Variants in AGAP1 observed in about 807,000 individuals in gnomAD.
AGAP1 encodes ArfGAP with GTPase domain, ankyrin repeat and PH domain 1.
In AGAP1, 29 loss-of-function variants were observed where a neutral mutation model predicts 105.3. The observed-to-expected ratio is 0.28, with a 90% CI of 0.21 to 0.38. The LOEUF (loss-of-function observed/expected upper bound fraction) is 0.38. Among genes scored for constraint, AGAP1 ranks in the 10% least tolerant of loss-of-function variants. The pLI is 1.00. For synonymous variants in AGAP1, 509 were observed against 485.9 expected, an observed-to-expected ratio of 1.05 and a Z score of -0.63; for missense variants, 998 against 1,165.1, an observed-to-expected ratio of 0.86 and a Z score of 2.09.
chr2:235,984,015 T>C (rs527779082), intron 13 of AGAP1, among the ~76,000 whole-genome samples: 8 of 152,330 alleles, frequency 5.3e-5, no homozygotes, highest in African/African-American at 1.9e-4. Context: ...CCAAAACATT[T>C]TCTTCACTCC....
In AGAP1 at chr2:235,874,084, G is replaced by T. The variant is rs143368890; in HGVS notation, c.1051-9261G>T. ...TGTTTTTGTTTTTGTTTTGAGACAG[G>T]GTCTTGCTCTGTCGCCAGGCTGGAG... On this transcript the variant is annotated intron_variant, in intron 9 of 17. Transcript: ENST00000304032. This position sits in a 1 kb window ranked among gnomAD's most constrained non-coding sequence, Gnocchi z 4.5. 3.3e-5 allele frequency among the ~76,000 whole-genome samples: 5 copies of T among 151,550 alleles called. No individual in the cohort carries two copies. The highest frequency in any genetic ancestry group is 1.2e-4 in the African/African-American group (5 of 41,210).
rs775412276 is a variant in AGAP1, at chr2:235,904,863, C to T, written c.1156-3875C>T. ...CTTTATCTCCCACCTGTGTGTGAAG[C>T]GCTGAGTCGGAGGGCTTTTATTGAG... On this transcript the variant is annotated intron_variant, in intron 10 of 17. Coordinates refer to ENST00000304032, the MANE Select transcript of AGAP1 (RefSeq NM_001037131.3). The surrounding 1 kb of genome is among the most constrained non-coding windows in gnomAD (Gnocchi z 4.2). 5.3e-5 allele frequency among the ~76,000 whole-genome samples: 8 copies of T among 152,162 alleles called. No individual in the cohort carries two copies. Among genetic ancestry groups the T allele is most frequent in the African/African-American group, 9.7e-5 (4 of 41,434 alleles).
At chr2:235,815,339 T>A (rs1413553481) in intron 9 of AGAP1, among the ~76,000 whole-genome samples, 1 of 152,246 alleles carries the variant, frequency 6.6e-6, no homozygotes. Context: ...GCCTTCTTGC[T>A]GTGTCCTCCC....
intron 9 of AGAP1, among the ~76,000 whole-genome samples, chr2:235,817,106 G>A (rs765651849): frequency 1.3e-5 from 2 of 152,154 alleles, no homozygotes; most frequent in Non-Finnish European, 2.9e-5. Flanking sequence ...TCCTGGCAGA[G>A]AGAAATCACT....
chr2:235,536,639 A>T (rs1000648153), intron 1 of AGAP1, among the ~76,000 whole-genome samples: 2 of 97,660 alleles, frequency 2.0e-5, no homozygotes, highest in Non-Finnish European at 4.5e-5. Context: ...ACACACACAC[A>T]CACACACACA....
rs1406086424 is a variant in AGAP1 at position 235,517,739 on chromosome 2, C to G, written c.163+22890C>G. On this transcript the variant is annotated intron_variant, in intron 1 of 17. Transcript: ENST00000304032. The surrounding 1 kb of genome is among the most constrained non-coding windows in gnomAD (Gnocchi z 4.1). The stretch of plus-strand genomic sequence containing the variant: ...ATCACTTGAGGTCAGGAGTTCGAGA[C>G]CAGCCTGGCCAACATGGTGAAACCC... 6.6e-6 allele frequency among the ~76,000 whole-genome samples: 1 copy of G among 152,034 alleles called. No homozygotes were observed. The highest frequency in any genetic ancestry group is 1.9e-4 in the East Asian group (1 of 5,178).
Position 235,961,736 on chromosome 2 carries a change from GTCTCTAC to G in AGAP1, c.1484-6724_1484-6718del, listed in dbSNP as rs2054195667. Among the ~76,000 whole-genome samples, 1 of 152,172 alleles carries G rather than the reference GTCTCTAC, an allele frequency of 6.6e-6. No homozygotes were observed. The highest frequency in any genetic ancestry group is 2.4e-5 in the African/African-American group (1 of 41,438). On this transcript the variant is annotated intron_variant, in intron 12 of 17. Transcript: ENST00000304032. This position sits in a 1 kb window ranked among gnomAD's most constrained non-coding sequence, Gnocchi z 5.9. ...CATCCTGGCCAACATGTTGAAACCC[GTCTCTAC>G]TAAAAATACGAAAATTAGCTGGGCG... is the stretch of plus-strand genomic sequence containing the variant.
chr2:235,542,033 G>GGT (rs1943459496), intron 1 of AGAP1, among the ~76,000 whole-genome samples: 1 of 152,156 alleles, frequency 6.6e-6, no homozygotes, highest in Non-Finnish European at 1.5e-5. Flanking sequence ...ATATTAAATG[G>GGT]GTAAGGACCT....
rs575425214 is a variant in AGAP1 at position 235,709,696 on chromosome 2, T to C, written c.222+459T>C. On this transcript the variant is annotated intron_variant, in intron 2 of 17. Coordinates refer to ENST00000304032, the MANE Select transcript of AGAP1 (RefSeq NM_001037131.3). ...GTATCCATCATTTTTGAAATGTGAC[T>C]ATTTACCCTGTGACCAAGTATTGGC... 1.2e-3 allele frequency among the ~76,000 whole-genome samples: 181 copies of C among 152,346 alleles called. 1 individual carries two copies. Among genetic ancestry groups the C allele is most frequent in the African/African-American group, 4.1e-3 (169 of 41,582 alleles).
Position 236,127,330 on chromosome 2 carries a change from T to C in AGAP1, c.*3208T>C, listed in dbSNP as rs187165159. The C allele has an allele frequency of 2.6e-5, 4 of 152,264 alleles. No individual in the cohort carries two copies. The highest frequency in any genetic ancestry group is 2.0e-4 in the Admixed American group (3 of 15,286). The allele number at this position is 152,264 out of a possible 1,614,324, so 9.4% of individuals were successfully genotyped here. ...CCTCTCTCTGTTTCATCCCAGGAAA[T>C]GAGCAGCTCGAGGGTGAGCAAGTGA... is the stretch of plus-strand genomic sequence containing the variant. On this transcript the variant is annotated 3_prime_UTR_variant, in exon 18 of 18. Coordinates refer to ENST00000304032, the MANE Select transcript of AGAP1 (RefSeq NM_001037131.3). The surrounding 1 kb of genome is among the most constrained non-coding windows in gnomAD (Gnocchi z 6.6).
chr2:235,990,407 G>C (rs2125450606), intron 13 of AGAP1, among the ~76,000 whole-genome samples: 1 of 152,294 alleles, frequency 6.6e-6, no homozygotes, highest in African/African-American at 2.4e-5. Context: ...GTGATGTTTG[G>C]GGCCTCACCT....
At position 235,739,694 on chromosome 2, in the gene AGAP1, G is replaced by T. The variant is rs554965908; in HGVS notation, c.311-1269G>T. ...GCATGGCAGGAGCTCGCGGGAACGGGCCAACGCCCCACTGCCCCAGTCAGC... is the reference window on the plus strand; with the variant it reads ...GCATGGCAGGAGCTCGCGGGAACGGTCCAACGCCCCACTGCCCCAGTCAGC... On this transcript the variant is annotated intron_variant, in intron 3 of 17. Transcript: ENST00000304032. This position sits in a 1 kb window ranked among gnomAD's most constrained non-coding sequence, Gnocchi z 5.3. Among the ~76,000 whole-genome samples, 1 of 152,376 alleles carries T rather than the reference G, an allele frequency of 6.6e-6. No homozygotes were observed. The highest frequency in any genetic ancestry group is 2.1e-4 in the South Asian group (1 of 4,826).
At chr2:235,637,665 A>T (rs1220207441) in intron 1 of AGAP1, among the ~76,000 whole-genome samples, 1 of 152,168 alleles carries the variant, frequency 6.6e-6, no homozygotes, top group Non-Finnish European at 1.5e-5. Flanking sequence ...ACATAGGAAG[A>T]GGAAGTATTG....
Position 235,728,796 on chromosome 2 carries a change from G to A in AGAP1, c.310+11152G>A, listed in dbSNP as rs962773830. Among the ~76,000 whole-genome samples the A allele has an allele frequency of 3.3e-5, 5 of 152,284 alleles. No homozygotes were observed. Among genetic ancestry groups the A allele is most frequent in the East Asian group, 3.9e-4 (2 of 5,176 alleles). On this transcript the variant is annotated intron_variant, in intron 3 of 17. Transcript: ENST00000304032. The surrounding 1 kb of genome is among the most constrained non-coding windows in gnomAD (Gnocchi z 4.3). Reference sequence around the variant, plus strand: ...GTGCCTAGTGGAGCAAGAGCGGGGCGGGGAGGAGGGGAAGCCAGCCTGCAG... The same window carrying A: ...GTGCCTAGTGGAGCAAGAGCGGGGCAGGGAGGAGGGGAAGCCAGCCTGCAG...
rs1955993807 is a variant in AGAP1 at position 235,777,775 on chromosome 2, A to G, written c.674-19984A>G. 6.6e-6 allele frequency among the ~76,000 whole-genome samples: 1 copy of G among 152,234 alleles called. No homozygotes were observed. On this transcript the variant is annotated intron_variant, in intron 6 of 17. Coordinates refer to ENST00000304032, the MANE Select transcript of AGAP1 (RefSeq NM_001037131.3). This position sits in a 1 kb window ranked among gnomAD's most constrained non-coding sequence, Gnocchi z 5.1. ...GCTCAAGTGTTTGAGACGTTAACGAATGATGGCTGTGATGTAATTGACTCA... is the reference window on the plus strand; with the variant it reads ...GCTCAAGTGTTTGAGACGTTAACGAGTGATGGCTGTGATGTAATTGACTCA...
rs1950703968 is a variant in AGAP1 at position 235,709,240 on chromosome 2, G to A, written c.222+3G>A. 1 of 1,613,944 alleles carries A rather than the reference G, an allele frequency of 6.2e-7. No individual in the cohort carries two copies. Among genetic ancestry groups the A allele is most frequent in the Admixed American group, 1.7e-5 (1 of 60,000 alleles). ...GATCTGTCCCGGAGCTCAAAGTGGT[G>A]AGTGGTTCCCTCTGGCCCTGGCACC... On this transcript the variant is annotated splice_donor_region_variant and intron_variant, in intron 2 of 17. Coordinates refer to ENST00000304032, the MANE Select transcript of AGAP1 (RefSeq NM_001037131.3).
chr2:235,841,869 T>C (rs1164686296), intron 9 of AGAP1, among the ~76,000 whole-genome samples: 1 of 152,174 alleles, frequency 6.6e-6, no homozygotes, highest in Non-Finnish European at 1.5e-5. Context: ...CCTCCTGATT[T>C]CCTGTTTCCT....
Position 235,792,460 on chromosome 2 carries a change from C to T in AGAP1, c.674-5299C>T, listed in dbSNP as rs1210099875. 6.6e-6 allele frequency among the ~76,000 whole-genome samples: 1 copy of T among 152,194 alleles called. No individual in the cohort carries two copies. The highest frequency in any genetic ancestry group is 2.4e-5 in the African/African-American group (1 of 41,446). On this transcript the variant is annotated intron_variant, in intron 6 of 17. Coordinates refer to ENST00000304032, the MANE Select transcript of AGAP1 (RefSeq NM_001037131.3). The surrounding 1 kb of genome is among the most constrained non-coding windows in gnomAD (Gnocchi z 5.3). ...GTTTTGCTAAGGAGCTGTTGAAAAACTGGAAATAGAACAGCGCTGTGGTAA... is the reference window on the plus strand; with the variant it reads ...GTTTTGCTAAGGAGCTGTTGAAAAATTGGAAATAGAACAGCGCTGTGGTAA...
At chr2:235,920,152 G>A (rs1487640620) in intron 11 of AGAP1, among the ~76,000 whole-genome samples, 1 of 152,106 alleles carries the variant, frequency 6.6e-6, no homozygotes, top group Non-Finnish European at 1.5e-5. Flanking sequence ...TCTGGATTCT[G>A]TATATTCTTT....
Sources: gnomAD v4.1 joint callset for allele counts (sites outside exome capture counted in the v4.1 genomes callset) on GRCh38, gnomAD v4.1.1 for gene constraint, Gnocchi (gnomAD v3.1) non-coding constraint, MANE v1.5 for transcripts, NCBI Gene and HGNC (gene_info 2026-07-23, HGNC 2026-07-21) for gene names.